NMI: variants seen among roughly 807,000 people sequenced by gnomAD.
NMI encodes the protein N-myc-interactor.
In NMI, 39 loss-of-function variants were observed where a neutral mutation model predicts 34.3. That is an observed-to-expected ratio of 1.14 (90% CI 0.88 to 1.49). The LOEUF (loss-of-function observed/expected upper bound fraction) is 1.49, where lower values mean the gene tolerates loss of function less well. Ranked by LOEUF, NMI falls within the 40% of genes most tolerant of loss-of-function variation. The probability of loss-of-function intolerance (pLI) is 0.00; values close to 1 mark genes in which losing one functional copy is unlikely to be tolerated. For synonymous variants in NMI, 113 were observed against 120.3 expected (o/e 0.94, Z 0.40); for missense variants, 339 against 358.1 (o/e 0.95, Z 0.43).
intron 6 of NMI, among the ~76,000 whole-genome samples, chr2:151,274,439 A>G (rs1217990500): frequency 1.3e-5 from 2 of 151,354 alleles, no homozygotes; most frequent in East Asian, 3.9e-4. Context: ...ACCATAACTA[A>G]CTAAATAGTA....
Position 151,270,826 on chromosome 2 carries a change from C to T in NMI, c.791G>A (p.Gly264Asp), listed in dbSNP as rs185889672. ...CACAATTTCTTCATCCATTTGAATG[C>T]CTTCCATTCCTGTCAGAAGCACTGT... ...KRTVLLTGME[G>D]IQMDEEIVED... Residue 264 changes from glycine to aspartate, a missense_variant, in exon 8 of 8, where the codon GGC (glycine) becomes GAC (aspartate). Physicochemically the swap from Gly to Asp is moderately conservative, Grantham distance 94. Coordinates refer to ENST00000243346, the MANE Select transcript of NMI (RefSeq NM_004688.3). 41 of 1,613,794 alleles carry T rather than the reference C, an allele frequency of 2.5e-5. No individual in the cohort carries two copies. The highest frequency in any genetic ancestry group is 8.3e-5 in the Admixed American group (5 of 60,024).
In NMI at chr2:151,271,554, C is replaced by A. The variant is rs929886445; in HGVS notation, c.741+72G>T. The stretch of plus-strand genomic sequence containing the variant: ...ATAAGATGCATAAGTAACAGACTCA[C>A]AACAACTTTATTTTTTGTGGGGTGG... On this transcript the variant is annotated intron_variant, in intron 7 of 7. Coordinates refer to ENST00000243346, the MANE Select transcript of NMI (RefSeq NM_004688.3). 36 of 815,212 alleles carry A rather than the reference C, an allele frequency of 4.4e-5. No individual in the cohort carries two copies. In the Middle Eastern group the frequency reaches 8.8e-4, roughly 20 times the overall value. The allele number at this position is 815,212 out of a possible 1,614,324, so 50.5% of individuals were successfully genotyped here.
At chr2:151,273,410 A>C (rs1261203187) in intron 6 of NMI, among the ~76,000 whole-genome samples, 1 of 152,246 alleles carries the variant, frequency 6.6e-6, no homozygotes, top group African/African-American at 2.4e-5. Flanking sequence ...ATCTGGCTAG[A>C]TGTAACCTCT....
chr2:151,274,714 G>T (rs1036130481), intron 6 of NMI, among the ~76,000 whole-genome samples: 3 of 151,816 alleles, frequency 2.0e-5, no homozygotes, highest in Admixed American at 2.0e-4. Context: ...CTCACCTCAT[G>T]ATCTGCCTGC....
chr2:151,279,454 A>G (rs1340224133), intron 3 of NMI, among the ~76,000 whole-genome samples: 1 of 152,050 alleles, frequency 6.6e-6, no homozygotes, highest in Non-Finnish European at 1.5e-5. Flanking sequence ...AAAAAGAAAG[A>G]CTCTAGAATT....
At chr2:151,283,833 A>G (rs925836586) in intron 1 of NMI, among the ~76,000 whole-genome samples, 1 of 152,244 alleles carries the variant, frequency 6.6e-6, no homozygotes, top group South Asian at 2.1e-4. Flanking sequence ...AATTATGAAT[A>G]TGGTAACAAA....
intron 1 of NMI, among the ~76,000 whole-genome samples, chr2:151,286,212 T>C (rs984132875): frequency 1.3e-5 from 2 of 152,132 alleles, no homozygotes; most frequent in African/African-American, 4.8e-5. Flanking sequence ...GAGAACACAA[T>C]GTAACTTCGA....
intron 1 of NMI, among the ~76,000 whole-genome samples, chr2:151,285,902 A>G (rs56064486): frequency 0.054 from 8,187 of 152,216 alleles, 737 homozygotes; most frequent in African/African-American, 0.19. Flanking sequence ...CACAGAATCC[A>G]CCTTGAGATG....
chr2:151,275,933 GAACA>G, intron 4 of NMI, 69 bp from the exon 5 acceptor site: 1 of 1,027,738 alleles, frequency 9.7e-7, no homozygotes, highest in Non-Finnish European at 1.4e-6. Context: ...TTTGGTTTAA[GAACA>G]AATTATCCTG....
At chr2:151,284,078 C>G (rs1417929829) in intron 1 of NMI, among the ~76,000 whole-genome samples, 1 of 152,008 alleles carries the variant, frequency 6.6e-6, no homozygotes, top group Non-Finnish European at 1.5e-5. Flanking sequence ...TGATTTCTGG[C>G]CGGGCGCGGT....
At position 151,282,882 on chromosome 2, in the gene NMI, CT is replaced by C; in HGVS notation, c.66del (p.Asp23MetfsTer7). ...LKEHSPDEFI[K>X]DEQNKGLIDE... is the part of the protein sequence containing the mutation. ...TTCCTTTTTACCTTATTTTGTTCAT[CT>C]TTTATAAATTCATCTGGCGAATGCT... is the stretch of plus-strand genomic sequence containing the variant. On this transcript the variant is annotated frameshift_variant, in exon 2 of 8. Transcript: ENST00000243346. LOFTEE classifies it high-confidence loss of function. 1 of 1,501,200 alleles carries C rather than the reference CT, an allele frequency of 6.7e-7. No homozygotes were observed. Among genetic ancestry groups the C allele is most frequent in the Admixed American group, 2.2e-5 (1 of 44,904 alleles). The allele number at this position is 1,501,200 out of a possible 1,614,324, so 93.0% of individuals were successfully genotyped here.
intron 4 of NMI, among the ~76,000 whole-genome samples, chr2:151,276,401 C>T (rs553390715): frequency 4.7e-4 from 72 of 152,284 alleles, no homozygotes; most frequent in African/African-American, 1.7e-3. Context: ...AGCAAAATCA[C>T]AATGTAGAAG....
intron 1 of NMI, among the ~76,000 whole-genome samples, chr2:151,287,316 C>CACACACA (rs1683518630): frequency 2.3e-5 from 3 of 133,272 alleles, no homozygotes; most frequent in African/African-American, 8.6e-5. Flanking sequence ...CTCTCTCTCT[C>CACACACA]TCTCACACAC....
rs1343494249 is a variant in NMI, at chr2:151,279,359, TTAGA to T, written c.178-373_178-370del. 3.3e-5 allele frequency among the ~76,000 whole-genome samples: 5 copies of T among 152,336 alleles called. No individual in the cohort carries two copies. In the Middle Eastern group the frequency reaches 0.014, roughly 415 times the overall value. ...AATAGACTATCTCAAAAGGAAATCA[TTAGA>T]TAGTATGTTTAATTTTGCTGCAAAG... On this transcript the variant is annotated intron_variant, in intron 3 of 7. Coordinates refer to ENST00000243346, the MANE Select transcript of NMI (RefSeq NM_004688.3).
In NMI at chr2:151,278,830, T is replaced by A; in HGVS notation, c.338A>T (p.Glu113Val). 6.2e-7 allele frequency: 1 copy of A among 1,612,302 alleles called. No homozygotes were observed. The highest frequency in any genetic ancestry group is 8.5e-7 in the Non-Finnish European group (1 of 1,178,858). Residue 113 changes from glutamate to valine, a missense_variant and splice_region_variant, in exon 4 of 8, where the codon GAA becomes GTA. Transcript: ENST00000243346. ...ATATTTTTTAACATTAGTCATACCT[T>A]CTTCTTTTTCAAAGGTGATAAGTGC... is the stretch of plus-strand genomic sequence containing the variant. ...GQALITFEKE[E>V]VAQNVVSMSK...
chr2:151,288,844 T>C (rs1424670406), intron 1 of NMI: 2 of 152,180 alleles, frequency 1.3e-5, no homozygotes, highest in African/African-American at 4.8e-5. Flanking sequence ...AAGAAAAACC[T>C]TGCCTATTCT....
intron 3 of NMI, among the ~76,000 whole-genome samples, chr2:151,281,658 C>T (rs1558876999): frequency 6.6e-6 from 1 of 152,042 alleles, no homozygotes; most frequent in South Asian, 2.1e-4. Flanking sequence ...CCTCTTCTGT[C>T]TTTTTTGTGT....
At chr2:151,279,096 T>G (rs771837404) in intron 3 of NMI, 106 bp from the exon 4 acceptor site, 13 of 695,160 alleles carry the variant, frequency 1.9e-5, no homozygotes, top group Admixed American at 1.2e-4. Flanking sequence ...CCACTAATTT[T>G]AGAACCTTGT....
Position 151,275,566 on chromosome 2 carries a change from G to A in NMI, c.552C>T (p.Ser184=). 1 of 1,614,108 alleles carries A rather than the reference G, an allele frequency of 6.2e-7. No homozygotes were observed. Among genetic ancestry groups the A allele is most frequent in the Non-Finnish European group, 8.5e-7 (1 of 1,180,022 alleles). The part of the protein sequence containing the change: ...RDKLELSFSK[S]RNGGGEVDRV... ...GGTCCACCTCTCCGCCTCCATTTCG[G>A]GACTTTGAAAAGCTCAGCTCTAGTT... The change falls in exon 6 of 8, where the codon TCC becomes TCT. Residue 184 remains serine, a synonymous_variant. Transcript: ENST00000243346.
Sources: allele counts gnomAD v4.1 joint callset (sites outside exome capture counted in the v4.1 genomes callset), GRCh38; gene constraint gnomAD v4.1.1; transcripts MANE v1.5; gene names NCBI Gene and HGNC (gene_info 2026-07-23, HGNC 2026-07-21).